Variants in ST8SIA1 observed in about 807,000 individuals in gnomAD.
The protein encoded by ST8SIA1 is alpha-N-acetylneuraminide alpha-2,8-sialyltransferase.
In ST8SIA1, 16 loss-of-function variants were observed where a neutral mutation model predicts 35.9. The ratio of observed to expected loss-of-function variants is 0.45; its 90% CI spans 0.30 to 0.68. ST8SIA1 has a LOEUF of 0.68. ST8SIA1 is among the 30% of genes least tolerant of loss of function. The pLI is 0.09. For synonymous variants in ST8SIA1, 170 were observed against 169.6 expected, an observed-to-expected ratio of 1.00 and a Z score of -0.02; for missense variants, 383 against 453.6, an observed-to-expected ratio of 0.84 and a Z score of 1.41.
At chr12:22,233,293 A>G (rs760383618) in intron 4 of ST8SIA1, among the ~76,000 whole-genome samples, 15 of 152,218 alleles carry the variant, frequency 9.9e-5, no homozygotes, top group Non-Finnish European at 2.1e-4. Flanking sequence ...GAAATGCTAA[A>G]AGGATTTCCA....
chr12:22,300,046 G>T (rs1866299694), intron 1 of ST8SIA1, among the ~76,000 whole-genome samples: 1 of 151,862 alleles, frequency 6.6e-6, no homozygotes, highest in African/African-American at 2.4e-5. Flanking sequence ...TTAAGTTTTG[G>T]TTTGCTTAGA....
Position 22,201,863 on chromosome 12 carries a change from T to TG in ST8SIA1, c.759dup (p.Asn254GlnfsTer5). 1 of 1,614,158 alleles carries TG rather than the reference T, an allele frequency of 6.2e-7. No individual in the cohort carries two copies. ...AACTTTCCAATGCTACGCAGAAAGT[T>TG]GGGGTTGGCAAACAGCACTGTTTGA... On this transcript the variant is annotated frameshift_variant, in exon 5 of 5. Transcript: ENST00000396037. LOFTEE classifies it high-confidence loss of function.
intron 1 of ST8SIA1, among the ~76,000 whole-genome samples, chr12:22,290,160 A>G (rs1176949012): frequency 6.6e-6 from 1 of 152,192 alleles, no homozygotes. Flanking sequence ...ACTATTTGCA[A>G]TATGAGTGGT....
intron 4 of ST8SIA1, among the ~76,000 whole-genome samples, chr12:22,236,985 G>C (rs1215843078): frequency 6.6e-6 from 1 of 152,174 alleles, no homozygotes; most frequent in African/African-American, 2.4e-5. Flanking sequence ...CTTAAATCTG[G>C]AAGGGCAGGA....
intron 1 of ST8SIA1, among the ~76,000 whole-genome samples, chr12:22,333,466 C>T (rs551908764): frequency 1.3e-4 from 20 of 152,230 alleles, no homozygotes; most frequent in Non-Finnish European, 2.6e-4. Flanking sequence ...TCTTAGTAGA[C>T]GTCAGTCAGT....
At chr12:22,206,181 A>T (rs894780808) in intron 4 of ST8SIA1, among the ~76,000 whole-genome samples, 1 of 152,226 alleles carries the variant, frequency 6.6e-6, no homozygotes, top group Non-Finnish European at 1.5e-5. Flanking sequence ...TAAGTTTTTA[A>T]AAATCTATCT....
chr12:22,321,394 G>C (rs1298283660), intron 1 of ST8SIA1, among the ~76,000 whole-genome samples: 1 of 152,188 alleles, frequency 6.6e-6, no homozygotes, highest in African/African-American at 2.4e-5. Flanking sequence ...ACCCCCAACA[G>C]AGAAAGGGAC....
At chr12:22,325,494 G>A (rs754526423) in intron 1 of ST8SIA1, 19 of 701,624 alleles carry the variant, frequency 2.7e-5, no homozygotes, top group South Asian at 2.2e-4. Flanking sequence ...GATAAAAATC[G>A]ATTCCTTCAA....
At chr12:22,245,320 A>AT (rs1248552431) in intron 4 of ST8SIA1, among the ~76,000 whole-genome samples, 1 of 152,062 alleles carries the variant, frequency 6.6e-6, no homozygotes, top group Admixed American at 6.6e-5. Flanking sequence ...AAAATTTCAT[A>AT]TTTTTTCCAA....
chr12:22,333,994 T>G lies in ST8SIA1; in HGVS notation c.236+3A>C. 6.2e-7 allele frequency: 1 copy of G among 1,612,758 alleles called. No homozygotes were observed. Among genetic ancestry groups the G allele is most frequent in the Non-Finnish European group, 8.5e-7 (1 of 1,179,366 alleles). On this transcript the variant is annotated splice_donor_region_variant and intron_variant, in intron 1 of 4. Transcript: ENST00000396037. ...AGGGGAGGAGCCGCGAGGGCAGGAG[T>G]ACCTGAACGCTCTGGCCGCGGTCTG... is the stretch of plus-strand genomic sequence containing the variant.
chr12:22,333,218 C>A (rs999787095), intron 1 of ST8SIA1, among the ~76,000 whole-genome samples: 1 of 152,218 alleles, frequency 6.6e-6, no homozygotes, highest in African/African-American at 2.4e-5. Context: ...TTTCTGACTT[C>A]AGGTGCCTAC....
chr12:22,280,586 A>C (rs1488336880), intron 2 of ST8SIA1, among the ~76,000 whole-genome samples: 1 of 152,230 alleles, frequency 6.6e-6, no homozygotes, highest in Non-Finnish European at 1.5e-5. Flanking sequence ...AAGATAGAGC[A>C]TTCCTTTATT....
At chr12:22,320,953 GAA>G (rs1209160792) in intron 1 of ST8SIA1, among the ~76,000 whole-genome samples, 4 of 80,638 alleles carry the variant, frequency 5.0e-5, no homozygotes, top group East Asian at 3.1e-4. Flanking sequence ...AAGAAAGAAA[GAA>G]AGAGAAAGAA....
At chr12:22,285,860 T>C (rs1591844502) in intron 2 of ST8SIA1, among the ~76,000 whole-genome samples, 1 of 66,234 alleles carries the variant, frequency 1.5e-5, no homozygotes, top group African/African-American at 7.0e-5. Flanking sequence ...ACAGAGTAAG[T>C]AAGACTCTGT....
intron 1 of ST8SIA1, among the ~76,000 whole-genome samples, chr12:22,329,435 T>C (rs1866730073): frequency 6.6e-6 from 1 of 152,208 alleles, no homozygotes; most frequent in South Asian, 2.1e-4. Context: ...TTTTTGCTAT[T>C]GTGATTATTG....
rs1312797427 is a variant in ST8SIA1, at chr12:22,224,557, G to A, written c.585-22519C>T. 2.6e-5 allele frequency among the ~76,000 whole-genome samples: 4 copies of A among 152,020 alleles called. No homozygotes were observed. The East Asian group carries it at 7.7e-4, about 29-fold the overall frequency. On this transcript the variant is annotated intron_variant, in intron 4 of 4. Coordinates refer to ENST00000396037, the MANE Select transcript of ST8SIA1 (RefSeq NM_003034.4). The stretch of plus-strand genomic sequence containing the variant: ...TGGGATTATAAGCATGAGCCACTGC[G>A]CCTGGCCTATTTATACTTTATCTTG...
At chr12:22,293,872 T>A (rs1284636755) in intron 1 of ST8SIA1, among the ~76,000 whole-genome samples, 1 of 152,200 alleles carries the variant, frequency 6.6e-6, no homozygotes, top group Non-Finnish European at 1.5e-5. Flanking sequence ...AAGGGGGCTT[T>A]TCTTTAAGTG....
chr12:22,320,843 AAGAG>A (rs142980247), intron 1 of ST8SIA1, among the ~76,000 whole-genome samples: 2,915 of 150,010 alleles, frequency 0.019, 110 homozygotes, highest in African/African-American at 0.068. Context: ...AAAGAAAAGA[AAGAG>A]AGAGAGAAGA....
At chr12:22,303,688 T>G (rs563598606) in intron 1 of ST8SIA1, among the ~76,000 whole-genome samples, 27 of 152,274 alleles carry the variant, frequency 1.8e-4, no homozygotes, top group East Asian at 1.5e-3. Context: ...TGTTGTTGTT[T>G]TTGTTGTTTG....
Sources: gnomAD v4.1 joint callset for allele counts (sites outside exome capture counted in the v4.1 genomes callset) on GRCh38, gnomAD v4.1.1 for gene constraint, MANE v1.5 for transcripts, NCBI Gene and HGNC (gene_info 2026-07-23, HGNC 2026-07-21) for gene names.